Variants in GRAMD4 observed in about 807,000 individuals in gnomAD.
GRAMD4 encodes GRAM domain containing 4, also known as GRAM domain-containing protein 4.
In GRAMD4, 25 loss-of-function variants were observed where a neutral mutation model predicts 83.9. The observed-to-expected ratio is 0.30, with a 90% confidence interval of 0.22 to 0.42. The LOEUF (loss-of-function observed/expected upper bound fraction) is 0.42. Among genes scored for constraint, GRAMD4 ranks in the 10% least tolerant of loss-of-function variants. The pLI is 1.00. For synonymous variants in GRAMD4, 336 were observed against 320.9 expected, an observed-to-expected ratio of 1.05 and a Z score of -0.50; for missense variants, 593 against 788.7, an observed-to-expected ratio of 0.75 and a Z score of 2.97.
chr22:46,675,307 A>C (rs867869655), intron 16 of GRAMD4, among the ~76,000 whole-genome samples, 161 bp from the exon 17 acceptor site: 21 of 152,104 alleles, frequency 1.4e-4, no homozygotes, highest in African/African-American at 5.1e-4. Flanking sequence ...TCTCATATAG[A>C]GCAGTGGCCG....
intron 3 of GRAMD4, among the ~76,000 whole-genome samples, chr22:46,650,477 G>A (rs918013464): frequency 3.3e-5 from 5 of 152,164 alleles, no homozygotes; most frequent in Non-Finnish European, 5.9e-5. Flanking sequence ...CCCACAGTCT[G>A]GGCCTGTGTA....
At position 46,668,918 on chromosome 22, in the gene GRAMD4, T is replaced by C; in HGVS notation, c.1084+10T>C. 6.8e-7 allele frequency: 1 copy of C among 1,477,372 alleles called. No homozygotes were observed. The highest frequency in any genetic ancestry group is 1.4e-5 in the African/African-American group (1 of 72,558). The allele number at this position is 1,477,372 out of a possible 1,614,324, so 91.5% of individuals were successfully genotyped here. On this transcript the variant is annotated intron_variant, in intron 13 of 18. Coordinates refer to ENST00000406902, the MANE Select transcript of GRAMD4 (RefSeq NM_015124.5). ...GTGGGGCTTGCCGTGGGTAAGTAGA[T>C]GCACCTGCGGCCTGTAGCTTCAGGA...
rs2081581438 is a variant in GRAMD4 at position 46,621,883 on chromosome 22, C to CT, written c.-50+1319dup. Among the ~76,000 whole-genome samples the CT allele has an allele frequency of 6.6e-6, 1 of 152,172 alleles. No homozygotes were observed. Among genetic ancestry groups the CT allele is most frequent in the South Asian group, 2.1e-4 (1 of 4,834 alleles). ...CTTAACTGACCGAAGCTTGAAAAGTCTGTCTTTTTGATGGACCCAGGGAGT... is the reference window on the plus strand; with the variant it reads ...CTTAACTGACCGAAGCTTGAAAAGTCTTGTCTTTTTGATGGACCCAGGGAGT... On this transcript the variant is annotated intron_variant, in intron 1 of 18. Coordinates refer to ENST00000406902, the MANE Select transcript of GRAMD4 (RefSeq NM_015124.5). This position sits in a 1 kb window ranked among gnomAD's most constrained non-coding sequence, Gnocchi z 5.8.
chr22:46,653,347 G>C (rs186098862), intron 3 of GRAMD4, among the ~76,000 whole-genome samples: 63 of 152,344 alleles, frequency 4.1e-4, no homozygotes, highest in South Asian at 1.7e-3. Context: ...CCGGGCTCTG[G>C]CGTTCACATT....
chr22:46,589,770 T>A (rs2081188285), intron 1 of GRAMD4, among the ~76,000 whole-genome samples: 1 of 152,102 alleles, frequency 6.6e-6, no homozygotes, highest in Non-Finnish European at 1.5e-5. Flanking sequence ...CTCCTCAGGT[T>A]TCTAGGTGAC....
downstream of GRAMD4, among the ~76,000 whole-genome samples, chr22:46,680,586 C>CCACCCACCCCCCCCCCCATT: frequency 4.3e-5 from 1 of 23,146 alleles, no homozygotes; most frequent in Non-Finnish European, 8.5e-5. Context: ...ATCCATCCAT[C>CCACCCACCCCCCCCCCCATT]CATCCATCCA....
rs918025824 is a variant in GRAMD4, at chr22:46,679,673, G to A, written c.*2422G>A. ...AAAGGATTGTACTGTATTAAGAACC[G>A]ATGAAAAAAATTCTCCTGTAACATT... On this transcript the variant is annotated 3_prime_UTR_variant, in exon 19 of 19. Transcript: ENST00000406902. 1.0e-5 allele frequency: 10 copies of A among 981,982 alleles called. No individual in the cohort carries two copies. Among genetic ancestry groups the A allele is most frequent in the Admixed American group, 6.1e-5 (1 of 16,268 alleles). 60.8% of individuals were successfully genotyped at this position (981,982 alleles called of 1,614,324 possible).
At position 46,678,270 on chromosome 22, in the gene GRAMD4, G is replaced by T; in HGVS notation, c.*1019G>T. 1 of 985,468 alleles carries T rather than the reference G, an allele frequency of 1.0e-6. No individual in the cohort carries two copies. The highest frequency in any genetic ancestry group is 5.2e-4 in the Middle Eastern group (1 of 1,914). 61.0% of individuals were successfully genotyped at this position (985,468 alleles called of 1,614,324 possible). ...TTGGGCCATCCGAGAGGCTCTGGCA[G>T]CCCCTGTGCTTTAGGGAGCAACCGT... is the stretch of plus-strand genomic sequence containing the variant. On this transcript the variant is annotated 3_prime_UTR_variant, in exon 19 of 19. Transcript: ENST00000406902.
intron 1 of GRAMD4, among the ~76,000 whole-genome samples, chr22:46,580,601 T>C (rs2081087939): frequency 6.6e-6 from 1 of 152,114 alleles, no homozygotes; most frequent in Admixed American, 6.5e-5. Context: ...CTGCTGGGGA[T>C]ATGTAATAGT....
At chr22:46,682,140 G>A (rs1186239559), downstream of GRAMD4, among the ~76,000 whole-genome samples, 1 of 152,208 alleles carries the variant, frequency 6.6e-6, no homozygotes, top group Non-Finnish European at 1.5e-5. Context: ...GGGGCCCTCG[G>A]GTCCACGTCA....
chr22:46,668,030 T>A, intron 10 of GRAMD4, 66 bp from the exon 11 acceptor site: 1 of 1,175,390 alleles, frequency 8.5e-7, no homozygotes. Flanking sequence ...CTCCACACTG[T>A]TTTGTCAGTG....
At chr22:46,645,830 C>T (rs903602144) in intron 3 of GRAMD4, among the ~76,000 whole-genome samples, 2 of 152,188 alleles carry the variant, frequency 1.3e-5, no homozygotes, top group South Asian at 2.1e-4. Flanking sequence ...AAATGCATTT[C>T]GGTTGCTAGT....
chr22:46,587,890 G>C, intron 1 of GRAMD4: 1 of 985,312 alleles, frequency 1.0e-6, no homozygotes, highest in Non-Finnish European at 1.2e-6. Context: ...GGCCGCGGGA[G>C]GATGGTACAG....
intron 3 of GRAMD4, among the ~76,000 whole-genome samples, chr22:46,643,141 T>TCCATCCA (rs2082005534): frequency 6.6e-4 from 3 of 4,524 alleles, no homozygotes; most frequent in Non-Finnish European, 8.9e-4. Flanking sequence ...CCATGCATCC[T>TCCATCCA]TCCATCCATC....
rs1000488534 is a variant in GRAMD4, at chr22:46,672,710, G to T, written c.1085-133G>T. The T allele has an allele frequency of 9.4e-5, 64 of 681,196 alleles. No homozygotes were observed. In the African/African-American group the frequency reaches 1.0e-3, roughly 11 times the overall value. The allele number at this position is 681,196 out of a possible 1,614,324, so 42.2% of individuals were successfully genotyped here. On this transcript the variant is annotated intron_variant, in intron 13 of 18. Transcript: ENST00000406902. This position sits in a 1 kb window ranked among gnomAD's most constrained non-coding sequence, Gnocchi z 4.7. ...ATCCAGGGTGAGGACTGAGCGAGCA[G>T]CTGGACTCTCACATCCAGGCTCAGG...
intron 3 of GRAMD4, among the ~76,000 whole-genome samples, chr22:46,648,795 G>C (rs984571230): frequency 3.7e-4 from 42 of 114,126 alleles, no homozygotes; most frequent in South Asian, 2.0e-3. Flanking sequence ...TGGATGGATG[G>C]ATGGATGCAT....
chr22:46,654,808 C>G (rs777520003), intron 3 of GRAMD4, among the ~76,000 whole-genome samples: 1 of 152,180 alleles, frequency 6.6e-6, no homozygotes, highest in Non-Finnish European at 1.5e-5. Flanking sequence ...ATGGTGACAC[C>G]GGGGTGGTCC....
Position 46,648,429 on chromosome 22 carries a change from GTGGA to G in GRAMD4, c.284-9735_284-9732del, listed in dbSNP as rs1162648485. Among the ~76,000 whole-genome samples, 313 of 148,720 alleles carry G rather than the reference GTGGA, an allele frequency of 2.1e-3. 1 individual carries two copies. The highest frequency in any genetic ancestry group is 5.7e-3 in the Admixed American group (85 of 14,954). Reference sequence around the variant, plus strand: ...GATGGGTAGATGGATGGGTGAATGGGTGGATGGATGGATGGATGGATGGATGAGT... The same window carrying G: ...GATGGGTAGATGGATGGGTGAATGGGTGGATGGATGGATGGATGGATGAGT... On this transcript the variant is annotated intron_variant, in intron 3 of 18. Transcript: ENST00000406902.
Position 46,668,581 on chromosome 22 carries a change from C to T in GRAMD4, c.931-108C>T, listed in dbSNP as rs1486158130. 10 of 1,010,550 alleles carry T rather than the reference C, an allele frequency of 9.9e-6. No homozygotes were observed. The African/African-American group carries it at 1.6e-4, about 16-fold the overall frequency. 62.6% of individuals were successfully genotyped at this position (1,010,550 alleles called of 1,614,324 possible). A position where few individuals can be genotyped will look rare whatever the true frequency, so the allele number is the denominator to read the frequency against. ...GGAGCAGCCGGGCAGGACCACAGGG[C>T]TCCGAGTGACCTCAGGGCTGCCCGA... On this transcript the variant is annotated intron_variant, in intron 11 of 18. Coordinates refer to ENST00000406902, the MANE Select transcript of GRAMD4 (RefSeq NM_015124.5).
Sources: gnomAD v4.1 joint callset for allele counts (sites outside exome capture counted in the v4.1 genomes callset) on GRCh38, gnomAD v4.1.1 for gene constraint, Gnocchi (gnomAD v3.1) non-coding constraint, MANE v1.5 for transcripts, NCBI Gene and HGNC (gene_info 2026-07-23, HGNC 2026-07-21) for gene names.